Variants in LRRIQ1 observed in about 807,000 individuals in gnomAD.
LRRIQ1 encodes leucine-rich repeat- and IQ domain-containing protein 1.
LRRIQ1 carries 210 observed loss-of-function variants against 211.9 expected under a neutral mutation model. The observed-to-expected ratio is 0.99, with a 90% CI of 0.89 to 1.11. LRRIQ1 has a LOEUF of 1.11. LRRIQ1 is among the 50% of genes most tolerant of loss of function. The pLI is 0.00. For synonymous variants in LRRIQ1, 699 were observed against 650.1 expected (o/e 1.08, Z -1.14); for missense variants, 2,136 against 1,939.5 (o/e 1.10, Z -1.90).
chr12:85,239,527 A>T (rs1895364506), intron 26 of LRRIQ1, among the ~76,000 whole-genome samples: 1 of 151,744 alleles, frequency 6.6e-6, no homozygotes, highest in Non-Finnish European at 1.5e-5. Context: ...ATAAAGTATC[A>T]AAACAATTCA....
At chr12:85,175,646 G>GT (rs1417945974) in intron 24 of LRRIQ1, among the ~76,000 whole-genome samples, 2 of 152,032 alleles carry the variant, frequency 1.3e-5, no homozygotes, top group African/African-American at 4.8e-5. Flanking sequence ...TAGGTCTAAT[G>GT]TTTAAGTCTT....
chr12:85,046,713 T>C (rs1879629291), intron 5 of LRRIQ1, among the ~76,000 whole-genome samples: 1 of 152,188 alleles, frequency 6.6e-6, no homozygotes, highest in Non-Finnish European at 1.5e-5. Flanking sequence ...ATATGTTTAT[T>C]GCGGCACTAT....
At chr12:85,147,968 G>A (rs535527788) in intron 19 of LRRIQ1, among the ~76,000 whole-genome samples, 55 of 151,754 alleles carry the variant, frequency 3.6e-4, no homozygotes, top group African/African-American at 1.3e-3. Flanking sequence ...GTATCAGAAA[G>A]GCTGCAAATC....
At chr12:85,249,489 A>G (rs117929977), downstream of LRRIQ1, among the ~76,000 whole-genome samples, 28 of 151,980 alleles carry the variant, frequency 1.8e-4, no homozygotes, top group East Asian at 5.4e-3. Context: ...CTCAAGAACT[A>G]TCATTGCATG....
chr12:85,150,184 C>T (rs1420423850), intron 19 of LRRIQ1, among the ~76,000 whole-genome samples: 2 of 151,730 alleles, frequency 1.3e-5, no homozygotes, highest in African/African-American at 4.8e-5. Flanking sequence ...TGGTCGTTTT[C>T]CATAACCACT....
At chr12:85,148,226 T>C (rs573684874) in intron 19 of LRRIQ1, among the ~76,000 whole-genome samples, 2 of 151,884 alleles carry the variant, frequency 1.3e-5, no homozygotes, top group African/African-American at 4.8e-5. Context: ...AACATGCAGA[T>C]TTGTTACATA....
chr12:85,202,543 C>G (rs1893348799), intron 24 of LRRIQ1, among the ~76,000 whole-genome samples: 1 of 152,124 alleles, frequency 6.6e-6, no homozygotes, highest in East Asian at 1.9e-4. Context: ...TAATGGCCTT[C>G]TTTATCCTTC....
At chr12:85,185,457 A>G (rs905239981) in intron 24 of LRRIQ1, among the ~76,000 whole-genome samples, 2 of 151,890 alleles carry the variant, frequency 1.3e-5, no homozygotes, top group Non-Finnish European at 2.9e-5. Context: ...AAATCATTCT[A>G]TTTTAAAGAT....
At chr12:85,185,396 A>G (rs569906955) in intron 24 of LRRIQ1, among the ~76,000 whole-genome samples, 86 of 152,012 alleles carry the variant, frequency 5.7e-4, no homozygotes, top group African/African-American at 2.0e-3. Context: ...CAAAACATCA[A>G]ACTCTTGATT....
chr12:85,138,182 T>C (rs1889272171), intron 19 of LRRIQ1, among the ~76,000 whole-genome samples: 2 of 151,520 alleles, frequency 1.3e-5, no homozygotes, highest in Admixed American at 1.3e-4. Context: ...AGAGCGTCTT[T>C]GTGCCCTTCA....
intron 18 of LRRIQ1, among the ~76,000 whole-genome samples, chr12:85,128,561 C>T (rs1888542246): frequency 6.6e-6 from 1 of 152,134 alleles, no homozygotes; most frequent in Non-Finnish European, 1.5e-5. Context: ...GATCATACCA[C>T]TGCACACTAG....
intron 24 of LRRIQ1, among the ~76,000 whole-genome samples, chr12:85,194,848 C>T (rs1362476991): frequency 6.6e-6 from 1 of 151,912 alleles, no homozygotes; most frequent in Non-Finnish European, 1.5e-5. Context: ...GAAATAGAGA[C>T]ACAAAAAACC....
chr12:85,272,758 C>G, the LRRIQ1 span, among the ~76,000 whole-genome samples: 1 of 151,932 alleles, frequency 6.6e-6, no homozygotes, highest in African/African-American at 2.4e-5. Context: ...GATTTTATAA[C>G]GAGGGTCCAT....
At chr12:85,186,965 A>G (rs149891273) in intron 24 of LRRIQ1, among the ~76,000 whole-genome samples, 14 of 152,282 alleles carry the variant, frequency 9.2e-5, no homozygotes, top group Admixed American at 2.0e-4. Context: ...CACTGTCACC[A>G]TGAACAAACT....
chr12:85,230,103 G>C (rs886978989), intron 25 of LRRIQ1, among the ~76,000 whole-genome samples: 2 of 152,206 alleles, frequency 1.3e-5, no homozygotes, highest in African/African-American at 4.8e-5. Flanking sequence ...AATAGAGAGA[G>C]AATAATTCTA....
downstream of LRRIQ1, among the ~76,000 whole-genome samples, chr12:85,249,164 A>G (rs907063100): frequency 6.6e-6 from 1 of 151,784 alleles, no homozygotes; most frequent in East Asian, 1.9e-4. Flanking sequence ...TTCAAAACGA[A>G]ATAGATTGCT....
downstream of LRRIQ1, among the ~76,000 whole-genome samples, chr12:85,268,661 A>G (rs1404674600): frequency 6.7e-6 from 1 of 148,850 alleles, no homozygotes; most frequent in Non-Finnish European, 1.5e-5. Context: ...TAACATCTGT[A>G]ACTATGTAGC....
chr12:85,202,232 G>A (rs749559632), intron 24 of LRRIQ1, among the ~76,000 whole-genome samples: 19 of 152,144 alleles, frequency 1.2e-4, no homozygotes, highest in Non-Finnish European at 2.5e-4. Flanking sequence ...TTTAGAGTAT[G>A]TGCCATAAGC....
At chr12:85,196,578 A>G (rs1197741670) in intron 24 of LRRIQ1, among the ~76,000 whole-genome samples, 1 of 152,192 alleles carries the variant, frequency 6.6e-6, no homozygotes, top group Admixed American at 6.5e-5. Flanking sequence ...CAATGGGGAA[A>G]GGATTCCCTG....
Sources: allele counts gnomAD v4.1 joint callset (sites outside exome capture counted in the v4.1 genomes callset), GRCh38; gene constraint gnomAD v4.1.1; transcripts MANE v1.5; gene names NCBI Gene and HGNC (gene_info 2026-07-23, HGNC 2026-07-21).